The following SVEP1 variants were observed in gnomAD, a reference collection of about 807,000 sequenced individuals.
The protein encoded by SVEP1 is sushi, von Willebrand factor type A, EGF and pentraxin domain containing 1.
Under a neutral mutation model 367.3 loss-of-function variants are expected in SVEP1, and 164 were observed. The observed-to-expected ratio is 0.45, with a 90% CI of 0.39 to 0.51. The LOEUF (loss-of-function observed/expected upper bound fraction) is 0.51. SVEP1 is among the 20% of genes least tolerant of loss of function. The pLI is 0.00. For missense variants in SVEP1, 4,117 were observed against 4,425.3 expected, an observed-to-expected ratio of 0.93 and a Z score of 1.98; for synonymous variants, 1,666 against 1,611.6, an observed-to-expected ratio of 1.03 and a Z score of -0.81.
At chr9:110,399,395 G>T (rs375164420) in intron 40 of SVEP1, among the ~76,000 whole-genome samples, 1 of 151,602 alleles carries the variant, frequency 6.6e-6, no homozygotes, top group African/African-American at 2.4e-5. Flanking sequence ...GCTAAATGAC[G>T]AATTAATGGG....
intron 1 of SVEP1, among the ~76,000 whole-genome samples, chr9:110,567,489 A>C (rs1830505837): frequency 6.6e-6 from 1 of 152,230 alleles, no homozygotes; most frequent in African/African-American, 2.4e-5. Flanking sequence ...TGAAAGAGAA[A>C]AAGTGAAAGG....
intron 43 of SVEP1, among the ~76,000 whole-genome samples, chr9:110,380,788 TAGG>T (rs1174783024): frequency 6.6e-6 from 1 of 152,238 alleles, no homozygotes; most frequent in Non-Finnish European, 1.5e-5. Context: ...TTTATACCTC[TAGG>T]AGAATTCAGC....
intron 39 of SVEP1, among the ~76,000 whole-genome samples, chr9:110,403,296 G>GTGTTTT: frequency 2.3e-5 from 1 of 43,462 alleles, no homozygotes; most frequent in Admixed American, 3.9e-4. Flanking sequence ...CGCCACCGCC[G>GTGTTTT]TTTTTTTTTT....
intron 29 of SVEP1, among the ~76,000 whole-genome samples, chr9:110,434,758 C>CA (rs1828408489): frequency 7.1e-6 from 1 of 139,918 alleles, no homozygotes; most frequent in African/African-American, 2.6e-5. Flanking sequence ...TGTAAGTTAT[C>CA]AAAAGCCATA....
intron 40 of SVEP1, among the ~76,000 whole-genome samples, chr9:110,396,258 T>C (rs576003649): frequency 2.0e-5 from 3 of 151,768 alleles, no homozygotes; most frequent in African/African-American, 2.4e-5. Flanking sequence ...ACTGGGTACA[T>C]AACGAAATGA....
At chr9:110,451,703 C>T (rs1352601574) in intron 22 of SVEP1, among the ~76,000 whole-genome samples, 1 of 152,026 alleles carries the variant, frequency 6.6e-6, no homozygotes, top group Non-Finnish European at 1.5e-5. Context: ...TATTTGTTTG[C>T]TAGTTGTTCT....
intron 2 of SVEP1, 63 bp downstream of exon 2, chr9:110,549,786 G>C: frequency 2.5e-6 from 4 of 1,579,046 alleles, no homozygotes; most frequent in Non-Finnish European, 3.4e-6. Context: ...TGGGTTTCAA[G>C]CAGTGAGAGG....
In SVEP1 at chr9:110,462,215, C is replaced by T. The variant is rs141391895; in HGVS notation, c.3323-3102G>A. On this transcript the variant is annotated intron_variant, in intron 18 of 47. Coordinates refer to ENST00000374469, the MANE Select transcript of SVEP1 (RefSeq NM_153366.4). The stretch of plus-strand genomic sequence containing the variant: ...AGATGTTTTTGCCCCTAGAAACTAA[C>T]AGAAGGTAAAAAATTGTACTAAGAT... Among the ~76,000 whole-genome samples, 184 of 151,910 alleles carry T rather than the reference C, an allele frequency of 1.2e-3. 1 individual carries two copies. The highest frequency in any genetic ancestry group is 4.3e-3 in the African/African-American group (178 of 41,448).
intron 24 of SVEP1, among the ~76,000 whole-genome samples, chr9:110,448,079 A>G (rs1828630993): frequency 6.6e-6 from 1 of 152,250 alleles, no homozygotes; most frequent in African/African-American, 2.4e-5. Context: ...TGAATAAGAA[A>G]GATATATTCA....
rs1588074744 is a variant in SVEP1 at position 110,482,440 on chromosome 9, T to C, written c.2091A>G (p.Gln697=). 6.2e-7 allele frequency: 1 copy of C among 1,603,342 alleles called. No individual in the cohort carries two copies. Among genetic ancestry groups the C allele is most frequent in the Non-Finnish European group, 8.5e-7 (1 of 1,174,360 alleles). Residue 697 remains glutamine, a synonymous_variant, in exon 11 of 48, where the codon CAA becomes CAG. Coordinates refer to ENST00000374469, the MANE Select transcript of SVEP1 (RefSeq NM_153366.4). ...CTGTATACTGTACTATAGTCTCCCC[T>C]TGAGGGAAAAGGTCTCCTTGTGTAT... ...RSHTQGDLFP[Q]GETIVQYTAT... is the part of the protein sequence containing the mutation.
At chr9:110,528,267 G>A (rs923707917) in intron 3 of SVEP1, among the ~76,000 whole-genome samples, 1 of 148,492 alleles carries the variant, frequency 6.7e-6, no homozygotes, top group Non-Finnish European at 1.5e-5. Context: ...ATTGTGCTAT[G>A]ATAAACACAC....
At chr9:110,401,601 TC>T (rs1409397471) in intron 39 of SVEP1, among the ~76,000 whole-genome samples, 6 of 150,632 alleles carry the variant, frequency 4.0e-5, no homozygotes, top group African/African-American at 1.5e-4. Context: ...TATAAAGAAA[TC>T]CTCAATAAAT....
At chr9:110,395,680 A>T (rs547973368) in intron 40 of SVEP1, among the ~76,000 whole-genome samples, 7,294 of 151,376 alleles carry the variant, frequency 0.048, 195 homozygotes, top group Middle Eastern at 0.092. Context: ...AATGGAAAAC[A>T]AAAAAAGGCA....
At chr9:110,392,082 G>T (rs1253077760) in intron 40 of SVEP1, among the ~76,000 whole-genome samples, 1 of 148,876 alleles carries the variant, frequency 6.7e-6, no homozygotes, top group Non-Finnish European at 1.5e-5. Context: ...CCAGTTTGCA[G>T]AGAGAAGATC....
At chr9:110,497,084 T>C (rs1829461945) in intron 7 of SVEP1, among the ~76,000 whole-genome samples, 151 bp from the exon 8 acceptor site, 2 of 152,208 alleles carry the variant, frequency 1.3e-5, no homozygotes, top group Non-Finnish European at 2.9e-5. Flanking sequence ...CCACCTGCTT[T>C]CCTGATCATT....
intron 38 of SVEP1, 31 bp downstream of exon 38, chr9:110,406,129 C>T: frequency 6.6e-7 from 1 of 1,519,142 alleles, no homozygotes; most frequent in Non-Finnish European, 8.8e-7. Context: ...CCTGCCCGCA[C>T]CCCTTGGAGA....
chr9:110,559,557 T>C (rs930105774), intron 1 of SVEP1, among the ~76,000 whole-genome samples: 2 of 152,118 alleles, frequency 1.3e-5, no homozygotes, highest in Admixed American at 6.6e-5. Context: ...AAGGTTTTCT[T>C]TAAATTTCAA....
At chr9:110,462,193 T>C (rs1356028628) in intron 18 of SVEP1, among the ~76,000 whole-genome samples, 1 of 152,054 alleles carries the variant, frequency 6.6e-6, no homozygotes, top group South Asian at 2.1e-4. Context: ...AAAGAAAAGA[T>C]GTTTTTGCCC....
At position 110,389,504 on chromosome 9, in the gene SVEP1, C is replaced by A. The variant is rs1419988276; in HGVS notation, c.9886+20G>T. ...GTCCTCAGTGTCATTTTGGGGGCTG[C>A]TAAGTGTCATTCAACTCACCTTTGC... is the stretch of plus-strand genomic sequence containing the variant. On this transcript the variant is annotated intron_variant, in intron 41 of 47. Transcript: ENST00000374469. 1.2e-6 allele frequency: 2 copies of A among 1,612,520 alleles called. No homozygotes were observed. The highest frequency in any genetic ancestry group is 1.7e-5 in the Admixed American group (1 of 59,662).
Sources: allele counts gnomAD v4.1 joint callset (sites outside exome capture counted in the v4.1 genomes callset), GRCh38; gene constraint gnomAD v4.1.1; transcripts MANE v1.5; gene names NCBI Gene and HGNC (gene_info 2026-07-23, HGNC 2026-07-21).